Variants in ADGRF5 observed in about 807,000 individuals in gnomAD.
The protein encoded by ADGRF5 is G-protein coupled receptor 116.
In ADGRF5, 75 loss-of-function variants were observed where a neutral mutation model predicts 132.3. The observed-to-expected ratio is 0.57, with a 90% CI of 0.47 to 0.69. The LOEUF is 0.69. Ranked by LOEUF, ADGRF5 falls within the 30% of genes least tolerant of loss-of-function variation. The pLI is 0.00. For missense variants in ADGRF5, 1,516 were observed against 1,630.6 expected, an observed-to-expected ratio of 0.93 and a Z score of 1.21; for synonymous variants, 629 against 597.6, an observed-to-expected ratio of 1.05 and a Z score of -0.77.
At chr6:46,911,591 G>A (rs1775957560) in intron 1 of ADGRF5, among the ~76,000 whole-genome samples, 1 of 152,096 alleles carries the variant, frequency 6.6e-6, no homozygotes, top group African/African-American at 2.4e-5. Flanking sequence ...AAGGTTTCCT[G>A]ATCTGTCCAG....
intron 1 of ADGRF5, among the ~76,000 whole-genome samples, chr6:46,918,984 G>T (rs542621834): frequency 6.6e-6 from 1 of 152,124 alleles, no homozygotes; most frequent in East Asian, 1.9e-4. Context: ...CCATGCCCTG[G>T]CCCCATCCTC....
intron 4 of ADGRF5, chr6:46,888,080 T>A: frequency 8.1e-6 from 3 of 368,932 alleles, no homozygotes; most frequent in East Asian, 4.7e-5. Flanking sequence ...TATCTTGGGA[T>A]CACTTTATGA....
chr6:46,863,589 C>T (rs924035909), intron 14 of ADGRF5, among the ~76,000 whole-genome samples: 1 of 152,144 alleles, frequency 6.6e-6, no homozygotes, highest in Non-Finnish European at 1.5e-5. Flanking sequence ...AGCATTTGTT[C>T]CTTCTGGTTT....
intron 2 of ADGRF5, among the ~76,000 whole-genome samples, chr6:46,904,913 G>A (rs1775156893): frequency 6.6e-6 from 1 of 151,754 alleles, no homozygotes; most frequent in African/African-American, 2.4e-5. Context: ...ATCTACCAAA[G>A]AAAAGTGGGG....
Position 46,868,871 on chromosome 6 carries a change from C to A in ADGRF5, c.1621+12G>T, listed in dbSNP as rs911218915. The A allele has an allele frequency of 5.1e-6, 8 of 1,566,124 alleles. No individual in the cohort carries two copies. The highest frequency in any genetic ancestry group is 7.0e-6 in the Non-Finnish European group (8 of 1,137,906). On this transcript the variant is annotated intron_variant, in intron 12 of 20. Coordinates refer to ENST00000283296, the MANE Select transcript of ADGRF5 (RefSeq NM_001098518.2). Reference sequence around the variant, plus strand: ...CCAGGCAGCACAATACGGTGTCCGGCCTTTCACTCACCATTCCACTCCCTG... The same window carrying A: ...CCAGGCAGCACAATACGGTGTCCGGACTTTCACTCACCATTCCACTCCCTG...
intron 1 of ADGRF5, among the ~76,000 whole-genome samples, chr6:46,940,793 G>C (rs1778019393): frequency 6.6e-6 from 1 of 152,162 alleles, no homozygotes; most frequent in Non-Finnish European, 1.5e-5. Flanking sequence ...AAATGAACCA[G>C]AATATCAGGA....
At chr6:46,947,389 G>A (rs9381493) in intron 1 of ADGRF5, among the ~76,000 whole-genome samples, 12 of 152,044 alleles carry the variant, frequency 7.9e-5, no homozygotes, top group Non-Finnish European at 1.6e-4. Flanking sequence ...AATGCAATAC[G>A]TTTTGTGCTT....
Position 46,879,822 on chromosome 6 carries a change from A to C in ADGRF5, c.1032T>G (p.Asp344Glu). Reference sequence around the variant, plus strand: ...AGTTACTGAATGGAGACCTACCTGCATCACCTGGAGTGATGTTGTGGATGG... The same window carrying C: ...AGTTACTGAATGGAGACCTACCTGCCTCACCTGGAGTGATGTTGTGGATGG... ...KLTIHNITPG[D>E]AGEYVCKLIL... The change falls in exon 9 of 21, where the codon GAT (aspartate) becomes GAG (glutamate). Residue 344 changes from aspartate (D) to glutamate (E), a missense_variant. By Grantham distance (45) the Asp-to-Glu change is conservative (BLOSUM62 2). Transcript: ENST00000283296. 1 of 1,606,872 alleles carries C rather than the reference A, an allele frequency of 6.2e-7. No individual in the cohort carries two copies. Among genetic ancestry groups the C allele is most frequent in the Non-Finnish European group, 8.5e-7 (1 of 1,173,342 alleles).
intron 3 of ADGRF5, among the ~76,000 whole-genome samples, chr6:46,894,032 A>T (rs1773930872): frequency 6.6e-6 from 1 of 152,248 alleles, no homozygotes; most frequent in African/African-American, 2.4e-5. Flanking sequence ...GAGCTTAAGT[A>T]GATGGGTAAA....
At chr6:46,945,788 G>A (rs936392704) in intron 1 of ADGRF5, among the ~76,000 whole-genome samples, 8 of 152,208 alleles carry the variant, frequency 5.3e-5, no homozygotes, top group African/African-American at 1.9e-4. Flanking sequence ...GAGGTTTAAT[G>A]GACTCACATT....
chr6:46,941,060 C>A (rs1382368438), intron 1 of ADGRF5, among the ~76,000 whole-genome samples: 1 of 152,122 alleles, frequency 6.6e-6, no homozygotes, highest in Non-Finnish European at 1.5e-5. Context: ...TCTAGGCCTA[C>A]TCAGTGGCTC....
At chr6:46,902,469 T>C (rs1023591412) in intron 2 of ADGRF5, among the ~76,000 whole-genome samples, 1 of 152,222 alleles carries the variant, frequency 6.6e-6, no homozygotes, top group Non-Finnish European at 1.5e-5. Context: ...TCAAGATATA[T>C]TTCAATTATC....
At chr6:46,862,691 T>C (rs546896878) in intron 15 of ADGRF5, among the ~76,000 whole-genome samples, 197 bp downstream of exon 15, 1 of 138,074 alleles carries the variant, frequency 7.2e-6, no homozygotes, top group Admixed American at 7.8e-5. Flanking sequence ...TGTCTTAGTA[T>C]TTGAATTGAG....
chr6:46,912,783 A>C (rs1581981683), intron 1 of ADGRF5, among the ~76,000 whole-genome samples: 1 of 152,140 alleles, frequency 6.6e-6, no homozygotes, highest in African/African-American at 2.4e-5. Flanking sequence ...GGTCCAGAAC[A>C]CATAGCCCTC....
At chr6:46,916,945 C>T (rs635599) in intron 1 of ADGRF5, among the ~76,000 whole-genome samples, 52,066 of 152,124 alleles carry the variant, frequency 0.34, 11,336 homozygotes, top group East Asian at 0.48. Context: ...CTTCTTCTCG[C>T]GCTATTCTTG....
At chr6:46,941,416 G>GAAAAGAAAAGAAAAGAAAAGAA (rs1778059459) in intron 1 of ADGRF5, among the ~76,000 whole-genome samples, 1 of 36,038 alleles carries the variant, frequency 2.8e-5, no homozygotes, top group African/African-American at 1.1e-4. Flanking sequence ...GAAAAGAAAA[G>GAAAAGAAAAGAAAAGAAAAGAA]AAAAGAAAAG....
intron 10 of ADGRF5, 96 bp from the exon 11 acceptor site, chr6:46,872,109 C>T: frequency 1.2e-6 from 1 of 809,382 alleles, no homozygotes; most frequent in Non-Finnish European, 1.9e-6. Flanking sequence ...AAAGGAGTTA[C>T]TATTTAAATA....
rs1235586416 is a variant in ADGRF5 at position 46,900,069 on chromosome 6, A to G, written c.117T>C (p.His39=). Residue 39 remains histidine (H), a synonymous_variant, in exon 3 of 21, where the codon CAT becomes CAC. Coordinates refer to ENST00000283296, the MANE Select transcript of ADGRF5 (RefSeq NM_001098518.2). ...TCAGTGCCTCTTCACCAGCTGGTTC[A>G]TGTTCATGAAGACTCTGAAAAGAAC... ...STIHPLSLHE[H]EPAGEEALRQ... is the part of the protein sequence containing the mutation. 5.6e-6 allele frequency: 9 copies of G among 1,612,654 alleles called. No homozygotes were observed. The highest frequency in any genetic ancestry group is 7.6e-6 in the Non-Finnish European group (9 of 1,178,620).
intron 1 of ADGRF5, among the ~76,000 whole-genome samples, chr6:46,936,644 T>C (rs1259850286): frequency 6.6e-6 from 1 of 152,148 alleles, no homozygotes; most frequent in African/African-American, 2.4e-5. Flanking sequence ...TGAAAACAAC[T>C]GTCCCCTAGG....
Sources: gnomAD v4.1 joint callset for allele counts (sites outside exome capture counted in the v4.1 genomes callset) on GRCh38, gnomAD v4.1.1 for gene constraint, MANE v1.5 for transcripts, NCBI Gene and HGNC (gene_info 2026-07-23, HGNC 2026-07-21) for gene names.